FAM169A: variants seen among roughly 807,000 people sequenced by gnomAD.
FAM169A encodes soluble lamin-associated protein of 75 kDa.
In FAM169A, 24 loss-of-function variants were observed where a neutral mutation model predicts 75.7. The ratio of observed to expected loss-of-function variants is 0.32; its 90% CI spans 0.23 to 0.45. The LOEUF (loss-of-function observed/expected upper bound fraction) is 0.45. FAM169A is among the 20% of genes least tolerant of loss of function. The probability of loss-of-function intolerance (pLI) is 1.00; values close to 1 mark genes in which losing one functional copy is unlikely to be tolerated. For synonymous variants in FAM169A, 271 were observed against 271.0 expected, an observed-to-expected ratio of 1.00 and a Z score of 0.00; for missense variants, 673 against 784.0, an observed-to-expected ratio of 0.86 and a Z score of 1.69.
At position 74,821,311 on chromosome 5, in the gene FAM169A, G is replaced by A. The variant is rs375872404; in HGVS notation, c.491-7292C>T. 1.1e-4 allele frequency among the ~76,000 whole-genome samples: 17 copies of A among 152,152 alleles called. No homozygotes were observed. The East Asian group carries it at 1.5e-3, about 14-fold the overall frequency. On this transcript the variant is annotated intron_variant, in intron 5 of 12. Transcript: ENST00000687041. ...TTTTAATAAATGAATAAATTTCAGC[G>A]ACACCATTCAGGTCTATGTATTGAA... is the stretch of plus-strand genomic sequence containing the variant.
At chr5:74,814,462 T>A (rs1747369067) in intron 5 of FAM169A, among the ~76,000 whole-genome samples, 1 of 152,156 alleles carries the variant, frequency 6.6e-6, no homozygotes, top group African/African-American at 2.4e-5. Flanking sequence ...TGTATTTTTT[T>A]AAACATTCAT....
intron 4 of FAM169A, among the ~76,000 whole-genome samples, chr5:74,835,186 A>T (rs917579843): frequency 6.6e-6 from 1 of 152,142 alleles, no homozygotes; most frequent in African/African-American, 2.4e-5. Flanking sequence ...AAAGAAGTCT[A>T]ATAAAAACAT....
intron 1 of FAM169A, among the ~76,000 whole-genome samples, chr5:74,852,342 T>A (rs1487043018): frequency 6.6e-6 from 1 of 152,144 alleles, no homozygotes; most frequent in African/African-American, 2.4e-5. Context: ...CTTGTGCTAC[T>A]CTCTTGCAAA....
At chr5:74,796,834 C>A (rs1746303685) in intron 10 of FAM169A, among the ~76,000 whole-genome samples, 1 of 152,048 alleles carries the variant, frequency 6.6e-6, no homozygotes, top group Admixed American at 6.6e-5. Flanking sequence ...ATTATGGATA[C>A]TGGCATAATT....
At chr5:74,832,934 C>T (rs920991278) in intron 5 of FAM169A, among the ~76,000 whole-genome samples, 2 of 151,928 alleles carry the variant, frequency 1.3e-5, no homozygotes, top group Admixed American at 6.6e-5. Context: ...GATACAGTAG[C>T]ACCTGGAAAC....
chr5:74,791,035 T>C (rs2100032), intron 11 of FAM169A, among the ~76,000 whole-genome samples: 2,219 of 152,292 alleles, frequency 0.015, 15 homozygotes, highest in East Asian at 0.022. Flanking sequence ...CCACACAGCA[T>C]TGCCTCTGAA....
chr5:74,847,007 A>T (rs1272999164), intron 1 of FAM169A, among the ~76,000 whole-genome samples: 2 of 152,140 alleles, frequency 1.3e-5, no homozygotes, highest in African/African-American at 4.8e-5. Context: ...TAATTTGCAT[A>T]CCACCATCAA....
Position 74,839,522 on chromosome 5 carries a change from A to ATTT in FAM169A, c.233-475_233-473dup, listed in dbSNP as rs200682932. 9.9e-5 allele frequency among the ~76,000 whole-genome samples: 13 copies of ATTT among 130,810 alleles called. 1 individual carries two copies. Among genetic ancestry groups the ATTT allele is most frequent in the African/African-American group, 3.5e-4 (12 of 34,720 alleles). The allele number at this position is 130,810 out of a possible 152,430, so 85.8% of individuals were successfully genotyped here. ...ATGCGGAACTGTGAGTCAATTTTTA[A>ATTT]TTTTTTTTTTTTTTTTTTTGAGATG... On this transcript the variant is annotated intron_variant, in intron 3 of 12. Coordinates refer to ENST00000687041, the MANE Select transcript of FAM169A (RefSeq NM_001376049.1).
chr5:74,779,128 T>C lies in FAM169A; in HGVS notation c.*2332A>G, dbSNP rs1745279358. On this transcript the variant is annotated 3_prime_UTR_variant, in exon 13 of 13. Coordinates refer to ENST00000687041, the MANE Select transcript of FAM169A (RefSeq NM_001376049.1). Reference sequence around the variant, plus strand: ...CTGAACAAAAAACTTCTAAATTGTTTACAATTCACTTACTATTTAACCCAA... The same window carrying C: ...CTGAACAAAAAACTTCTAAATTGTTCACAATTCACTTACTATTTAACCCAA... The C allele has an allele frequency of 6.6e-6, 1 of 152,130 alleles. No homozygotes were observed. 9.4% of individuals were successfully genotyped at this position (152,130 alleles called of 1,614,324 possible). A position where few individuals can be genotyped will look rare whatever the true frequency, so the allele number is the denominator to read the frequency against.
At position 74,777,615 on chromosome 5, in the gene FAM169A, T is replaced by G. The variant is rs1192794742; in HGVS notation, c.*3845A>C. The G allele has an allele frequency of 2.0e-5, 3 of 152,026 alleles. No individual in the cohort carries two copies. Among genetic ancestry groups the G allele is most frequent in the Admixed American group, 6.5e-5 (1 of 15,280 alleles). The allele number at this position is 152,026 out of a possible 1,614,324, so 9.4% of individuals were successfully genotyped here. On this transcript the variant is annotated 3_prime_UTR_variant, in exon 13 of 13. Transcript: ENST00000687041. ...ATTTTTTTTTTAAAGAAGTCTGTCT[T>G]CAGAGTACAACCAATGTGATTAATT... is the stretch of plus-strand genomic sequence containing the variant.
At chr5:74,802,728 T>C (rs553735213) in intron 8 of FAM169A, among the ~76,000 whole-genome samples, 3 of 152,290 alleles carry the variant, frequency 2.0e-5, no homozygotes, top group South Asian at 2.1e-4. Flanking sequence ...TATTCATCCA[T>C]TACATGCTTA....
chr5:74,806,985 T>C (rs529926572), intron 6 of FAM169A, among the ~76,000 whole-genome samples: 2 of 152,290 alleles, frequency 1.3e-5, no homozygotes, highest in Admixed American at 1.3e-4. Context: ...CCAAGAAGAA[T>C]AAGGGAAATG....
chr5:74,807,437 G>C (rs1421405737), intron 6 of FAM169A, among the ~76,000 whole-genome samples: 2 of 152,174 alleles, frequency 1.3e-5, no homozygotes, highest in Non-Finnish European at 2.9e-5. Flanking sequence ...AGCTTCATGA[G>C]AGAGTATCAT....
intron 5 of FAM169A, among the ~76,000 whole-genome samples, chr5:74,815,829 G>C (rs374659767): frequency 6.6e-6 from 1 of 152,164 alleles, no homozygotes; most frequent in African/African-American, 2.4e-5. Flanking sequence ...CATTAGCACC[G>C]TGACAGTTTC....
chr5:74,839,581 A>C (rs1056966178), intron 3 of FAM169A, among the ~76,000 whole-genome samples: 11 of 149,362 alleles, frequency 7.4e-5, no homozygotes, highest in Non-Finnish European at 1.0e-4. Context: ...CTAGAGTGCA[A>C]TGGTGTGATC....
intron 1 of FAM169A, among the ~76,000 whole-genome samples, chr5:74,857,365 A>G (rs907510114): frequency 6.6e-6 from 1 of 151,856 alleles, no homozygotes; most frequent in African/African-American, 2.4e-5. Context: ...AGCCTGGGCA[A>G]CACGGCAAAA....
intron 6 of FAM169A, among the ~76,000 whole-genome samples, chr5:74,810,019 CAA>C (rs1373758885): frequency 6.6e-6 from 1 of 152,030 alleles, no homozygotes; most frequent in African/African-American, 2.4e-5. Context: ...GTCCATCATA[CAA>C]AGACATTTTC....
At chr5:74,810,751 C>CAAAA (rs750402413) in intron 6 of FAM169A, among the ~76,000 whole-genome samples, 81 of 52,550 alleles carry the variant, frequency 1.5e-3, no homozygotes, top group African/African-American at 6.7e-3. Flanking sequence ...GACTCCGTCT[C>CAAAA]AAAAAAAAAA....
chr5:74,864,532 T>G (rs188666235), intron 1 of FAM169A, among the ~76,000 whole-genome samples: 1 of 152,334 alleles, frequency 6.6e-6, no homozygotes. Flanking sequence ...CCGGCCTATA[T>G]CCCATCTTTA....
Sources: gnomAD v4.1 joint callset for allele counts (sites outside exome capture counted in the v4.1 genomes callset) on GRCh38, gnomAD v4.1.1 for gene constraint, MANE v1.5 for transcripts, NCBI Gene and HGNC (gene_info 2026-07-23, HGNC 2026-07-21) for gene names.